Variants in ADAMTS18 observed in about 807,000 individuals in gnomAD.
ADAMTS18 encodes the protein ADAM metallopeptidase with thrombospondin type 1 motif 18, also known as A disintegrin and metalloproteinase with thrombospondin motifs 18.
ADAMTS18 carries 157 observed loss-of-function variants against 165.9 expected under a neutral mutation model. That is an observed-to-expected ratio of 0.95 (90% CI 0.83 to 1.08). ADAMTS18 has a LOEUF of 1.08. Ranked by LOEUF, ADAMTS18 falls within the 50% of genes least tolerant of loss-of-function variation. The pLI is 0.00. For synonymous variants in ADAMTS18, 782 were observed against 578.2 expected, an observed-to-expected ratio of 1.35 and a Z score of -5.06; for missense variants, 2,040 against 1,534.0, an observed-to-expected ratio of 1.33 and a Z score of -5.51.
chr16:77,287,613 G>A (rs781311384), intron 22 of ADAMTS18, among the ~76,000 whole-genome samples: 4 of 151,920 alleles, frequency 2.6e-5, no homozygotes, highest in African/African-American at 2.4e-5. Flanking sequence ...CTAGGCCTAC[G>A]GGCACCTGCC....
At chr16:77,378,340 CAAAAAAAAACAA>C (rs1165343959) in intron 3 of ADAMTS18, among the ~76,000 whole-genome samples, 20 of 68,504 alleles carry the variant, frequency 2.9e-4, no homozygotes, top group Non-Finnish European at 4.0e-4. Flanking sequence ...AAAACAAAAA[CAAAAAAAAACAA>C]AAAAAAAAAA....
chr16:77,369,404 TC>T (rs1458879628), intron 3 of ADAMTS18, among the ~76,000 whole-genome samples: 4 of 152,216 alleles, frequency 2.6e-5, no homozygotes, highest in Non-Finnish European at 5.9e-5. Flanking sequence ...TTGTTATTTT[TC>T]AAATTCCTTG....
At chr16:77,361,742 G>C (rs2056716954) in intron 7 of ADAMTS18, among the ~76,000 whole-genome samples, 1 of 152,142 alleles carries the variant, frequency 6.6e-6, no homozygotes, top group African/African-American at 2.4e-5. Context: ...AAATTAGCCA[G>C]GCATGGTGGC....
intron 21 of ADAMTS18, chr16:77,291,004 G>GGTAA (rs1378068128): frequency 7.1e-6 from 3 of 422,468 alleles, no homozygotes; most frequent in African/African-American, 6.0e-5. Flanking sequence ...CTGGCCTGGT[G>GGTAA]GTAAGTGTTT....
At chr16:77,398,054 C>T (rs1486979179) in intron 3 of ADAMTS18, among the ~76,000 whole-genome samples, 1 of 152,122 alleles carries the variant, frequency 6.6e-6, no homozygotes, top group Admixed American at 6.5e-5. Context: ...TGGTGGCTCA[C>T]ACCTATAATC....
chr16:77,362,532 C>G (rs1476295251), intron 6 of ADAMTS18, among the ~76,000 whole-genome samples: 1 of 152,192 alleles, frequency 6.6e-6, no homozygotes, highest in African/African-American at 2.4e-5. Context: ...CTTTGTTCAT[C>G]TTACCTAGTA....
At chr16:77,285,101 C>G (rs1305486110) in intron 22 of ADAMTS18, among the ~76,000 whole-genome samples, 1 of 150,928 alleles carries the variant, frequency 6.6e-6, no homozygotes, top group Non-Finnish European at 1.5e-5. Flanking sequence ...TCAGATGGGC[C>G]TCAGGAGATA....
intron 3 of ADAMTS18, among the ~76,000 whole-genome samples, chr16:77,379,548 G>C (rs2057002089): frequency 6.6e-6 from 1 of 152,098 alleles, no homozygotes; most frequent in African/African-American, 2.4e-5. Context: ...GAGTACAGTG[G>C]AGCTATTTCG....
chr16:77,427,978 G>A (rs894080785), intron 3 of ADAMTS18, among the ~76,000 whole-genome samples: 1 of 152,126 alleles, frequency 6.6e-6, no homozygotes, highest in African/African-American at 2.4e-5. Flanking sequence ...TTTCTTTGGG[G>A]ACTTCTCTAG....
intron 16 of ADAMTS18, among the ~76,000 whole-genome samples, chr16:77,309,217 G>T (rs75382250): frequency 2.2e-5 from 2 of 91,406 alleles, no homozygotes; most frequent in Non-Finnish European, 5.0e-5. Flanking sequence ...TAGCTGGCTA[G>T]TTTTTTTTTT....
At chr16:77,343,322 C>T (rs1429685505) in intron 10 of ADAMTS18, among the ~76,000 whole-genome samples, 1 of 152,238 alleles carries the variant, frequency 6.6e-6, no homozygotes, top group African/African-American at 2.4e-5. Context: ...GATCTGCCCG[C>T]CTTGGCCTCC....
At chr16:77,419,580 G>A (rs1440214805) in intron 3 of ADAMTS18, among the ~76,000 whole-genome samples, 13 of 152,068 alleles carry the variant, frequency 8.5e-5, no homozygotes. Context: ...GACCTACCTG[G>A]AAAATCTTCC....
At chr16:77,403,223 G>T (rs1023036793) in intron 3 of ADAMTS18, among the ~76,000 whole-genome samples, 1 of 152,190 alleles carries the variant, frequency 6.6e-6, no homozygotes, top group Admixed American at 6.5e-5. Context: ...TATTAAGAAA[G>T]TGTTAGTACC....
intron 9 of ADAMTS18, among the ~76,000 whole-genome samples, chr16:77,355,708 G>C (rs1218063779): frequency 6.6e-6 from 1 of 152,110 alleles, no homozygotes; most frequent in Admixed American, 6.5e-5. Context: ...TAATAGTATC[G>C]CTGTGAGGAT....
At position 77,289,362 on chromosome 16, in the gene ADAMTS18, A is replaced by T; in HGVS notation, c.3452T>A (p.Val1151Asp). 2 of 1,614,142 alleles carry T rather than the reference A, an allele frequency of 1.2e-6. No individual in the cohort carries two copies. The highest frequency in any genetic ancestry group is 1.7e-6 in the Non-Finnish European group (2 of 1,180,000). ...GGVQTRSVHC[V>D]QQGRPSSSCL... is the part of the protein sequence containing the mutation. The stretch of plus-strand genomic sequence containing the variant: ...ACTTGAGGAAGGCCGGCCTTGCTGA[A>T]CACAGTGGACTGACCGGGTCTGGAC... Residue 1151 changes from valine (V) to aspartate (D), a missense_variant, in exon 22 of 23, where the codon GTT becomes GAT. By Grantham distance (152) the Val-to-Asp change is radical (BLOSUM62 -3). Transcript: ENST00000282849.
At chr16:77,369,536 C>T (rs2056846806) in intron 3 of ADAMTS18, among the ~76,000 whole-genome samples, 1 of 152,144 alleles carries the variant, frequency 6.6e-6, no homozygotes, top group South Asian at 2.1e-4. Context: ...TCTACCAAAA[C>T]TGAAACATGA....
chr16:77,415,927 T>C (rs543399237), intron 3 of ADAMTS18, among the ~76,000 whole-genome samples: 4 of 152,272 alleles, frequency 2.6e-5, no homozygotes, highest in Middle Eastern at 3.4e-3. Context: ...TGAGTGCCTA[T>C]TACTTGCCAG....
chr16:77,338,392 T>C (rs118139853), intron 11 of ADAMTS18, among the ~76,000 whole-genome samples: 4,558 of 151,994 alleles, frequency 0.03, 420 homozygotes, highest in Admixed American at 0.18. Context: ...TGCACCAGCA[T>C]GCTCAGGTAA....
At chr16:77,362,865 A>T (rs1186821573) in intron 6 of ADAMTS18, among the ~76,000 whole-genome samples, 1 of 152,190 alleles carries the variant, frequency 6.6e-6, no homozygotes, top group Non-Finnish European at 1.5e-5. Flanking sequence ...GTTAATTAGG[A>T]TGTGGCTGGC....
Sources: allele counts gnomAD v4.1 joint callset (sites outside exome capture counted in the v4.1 genomes callset), GRCh38; gene constraint gnomAD v4.1.1; transcripts MANE v1.5; gene names NCBI Gene and HGNC (gene_info 2026-07-23, HGNC 2026-07-21).